Variants in VTI1A observed in about 807,000 individuals in gnomAD.
The protein encoded by VTI1A is vesicle transport through interaction with t-SNAREs 1A.
Under a neutral mutation model 34.9 loss-of-function variants are expected in VTI1A, and 22 were observed. The observed-to-expected ratio is 0.63, with a 90% CI of 0.45 to 0.90. VTI1A has a LOEUF of 0.90. Among genes scored for constraint, VTI1A ranks in the 40% least tolerant of loss-of-function variants. The probability of loss-of-function intolerance (pLI) is 0.00; values close to 1 mark genes in which losing one functional copy is unlikely to be tolerated. For missense variants in VTI1A, 268 were observed against 275.6 expected (o/e 0.97, Z 0.20); for synonymous variants, 87 against 97.3 (o/e 0.89, Z 0.62).
intron 3 of VTI1A, among the ~76,000 whole-genome samples, chr10:112,487,394 G>T (rs905543430): frequency 6.6e-6 from 1 of 152,294 alleles, no homozygotes; most frequent in Admixed American, 6.5e-5. Context: ...AAAGTGCTGG[G>T]CTTACAGGTG....
intron 7 of VTI1A, among the ~76,000 whole-genome samples, chr10:112,756,348 CCT>C (rs767529768): frequency 1.3e-5 from 2 of 152,170 alleles, no homozygotes; most frequent in Admixed American, 6.5e-5. Flanking sequence ...TACCTAGTTG[CCT>C]CTCTCAGCAA....
the VTI1A span, among the ~76,000 whole-genome samples, chr10:112,855,160 A>G: frequency 6.6e-6 from 1 of 152,260 alleles, no homozygotes; most frequent in South Asian, 2.1e-4. Context: ...CAGGATGGGA[A>G]GCCTACTTTG....
chr10:112,675,808 A>G (rs1338374196), intron 7 of VTI1A, among the ~76,000 whole-genome samples: 2 of 152,220 alleles, frequency 1.3e-5, no homozygotes, highest in Admixed American at 1.3e-4. Context: ...CATATGTCCC[A>G]GTAGATAAGG....
At chr10:112,846,516 C>T in the VTI1A span, among the ~76,000 whole-genome samples, 2,576 of 152,116 alleles carry the variant, frequency 0.017, 78 homozygotes, top group African/African-American at 0.059. Flanking sequence ...CCTGTAATCC[C>T]AGCACTTTGG....
intron 4 of VTI1A, among the ~76,000 whole-genome samples, chr10:112,528,168 G>C (rs1474973740): frequency 6.6e-6 from 1 of 151,990 alleles, no homozygotes; most frequent in African/African-American, 2.4e-5. Flanking sequence ...ATTTTAATAG[G>C]ATAGTGAAAC....
intron 7 of VTI1A, among the ~76,000 whole-genome samples, chr10:112,792,675 A>T (rs2134059039): frequency 6.6e-6 from 1 of 152,326 alleles, no homozygotes; most frequent in East Asian, 1.9e-4. Context: ...GATACTACTG[A>T]AGTGGTATTG....
chr10:112,722,627 A>G (rs952172715), intron 7 of VTI1A, among the ~76,000 whole-genome samples: 4 of 152,152 alleles, frequency 2.6e-5, no homozygotes, highest in Non-Finnish European at 5.9e-5. Context: ...TTTGTTTTTT[A>G]GTTTTGCAAA....
the VTI1A span, among the ~76,000 whole-genome samples, chr10:112,836,094 C>G: frequency 6.6e-6 from 1 of 152,232 alleles, no homozygotes; most frequent in Non-Finnish European, 1.5e-5. Flanking sequence ...AAGCTCTTGT[C>G]CAGCTTGCGT....
At chr10:112,532,855 T>C (rs1021546852) in intron 4 of VTI1A, among the ~76,000 whole-genome samples, 7 of 151,994 alleles carry the variant, frequency 4.6e-5, no homozygotes, top group African/African-American at 1.7e-4. Context: ...TTAAGCAAAA[T>C]AAAAATGTAG....
chr10:112,600,840 AT>A (rs1435355474), intron 5 of VTI1A, among the ~76,000 whole-genome samples: 1 of 152,254 alleles, frequency 6.6e-6, no homozygotes, highest in Admixed American at 6.5e-5. Context: ...AGTTGCAGAC[AT>A]TCATTTAAAG....
intron 5 of VTI1A, among the ~76,000 whole-genome samples, chr10:112,626,065 T>A (rs112270472): frequency 6.6e-6 from 1 of 152,134 alleles, no homozygotes; most frequent in African/African-American, 2.4e-5. Flanking sequence ...ATTTGGAAAC[T>A]GCATCCTTTT....
chr10:112,772,706 A>G (rs1296660539), intron 7 of VTI1A, among the ~76,000 whole-genome samples: 1 of 152,216 alleles, frequency 6.6e-6, no homozygotes, highest in Non-Finnish European at 1.5e-5. Flanking sequence ...TTTAGAGTTA[A>G]TGTTTATATA....
intron 5 of VTI1A, among the ~76,000 whole-genome samples, chr10:112,570,518 T>G (rs1852080095): frequency 6.6e-6 from 1 of 152,222 alleles, no homozygotes; most frequent in East Asian, 1.9e-4. Flanking sequence ...AGATGAAAAG[T>G]TCAGTGAATG....
At chr10:112,849,718 T>G in the VTI1A span, among the ~76,000 whole-genome samples, 1 of 152,218 alleles carries the variant, frequency 6.6e-6, no homozygotes, top group African/African-American at 2.4e-5. Flanking sequence ...TTCTGTCAAA[T>G]ATTGCATGGG....
chr10:112,733,603 C>A (rs1271694135), intron 7 of VTI1A, among the ~76,000 whole-genome samples: 1 of 152,116 alleles, frequency 6.6e-6, no homozygotes. Context: ...GTAATGTCAT[C>A]ATCATCTATG....
At position 112,448,749 on chromosome 10, in the gene VTI1A, A is replaced by G. The variant is rs11195962; in HGVS notation, c.94+1282A>G. On this transcript the variant is annotated intron_variant, in intron 1 of 7. Coordinates refer to ENST00000393077, the MANE Select transcript of VTI1A (RefSeq NM_145206.4). Reference sequence around the variant, plus strand: ...CTTGCCCACTTGTCCTGGTACTAGCAATAATTTCTCCCGGACCTAAGTTGT... The same window carrying G: ...CTTGCCCACTTGTCCTGGTACTAGCGATAATTTCTCCCGGACCTAAGTTGT... 7.2e-5 allele frequency: 11 copies of G among 152,108 alleles called. No individual in the cohort carries two copies. In the East Asian group the frequency reaches 2.1e-3, roughly 29 times the overall value. 9.4% of individuals were successfully genotyped at this position (152,108 alleles called of 1,614,324 possible).
chr10:112,788,247 G>A (rs927195940), intron 7 of VTI1A, among the ~76,000 whole-genome samples: 2 of 152,040 alleles, frequency 1.3e-5, no homozygotes, highest in African/African-American at 4.8e-5. Flanking sequence ...ATAGGGTGGT[G>A]AAATCTCTGA....
At chr10:112,845,272 C>A in the VTI1A span, among the ~76,000 whole-genome samples, 1 of 152,178 alleles carries the variant, frequency 6.6e-6, no homozygotes, top group South Asian at 2.1e-4. Flanking sequence ...TGGGGCAGGA[C>A]GGCCAGGCAG....
intron 4 of VTI1A, among the ~76,000 whole-genome samples, chr10:112,534,572 C>A (rs1850556382): frequency 6.6e-6 from 1 of 152,036 alleles, no homozygotes; most frequent in African/African-American, 2.4e-5. Flanking sequence ...TGTTTTTCAA[C>A]AACTCTTTGA....
Sources: gnomAD v4.1 joint callset for allele counts (sites outside exome capture counted in the v4.1 genomes callset) on GRCh38, gnomAD v4.1.1 for gene constraint, MANE v1.5 for transcripts, NCBI Gene and HGNC (gene_info 2026-07-23, HGNC 2026-07-21) for gene names.